The following OR10J1 variants were observed in gnomAD, a reference collection of about 807,000 sequenced individuals.
OR10J1 encodes olfactory receptor 10J1.
For missense variants in OR10J1, 474 were observed against 376.6 expected (o/e 1.26, Z -2.14); for synonymous variants, 202 against 143.8 (o/e 1.40, Z -2.89).
chr1:159,436,049 T>C (rs932634541), upstream of OR10J1, among the ~76,000 whole-genome samples: 1 of 152,184 alleles, frequency 6.6e-6, no homozygotes, highest in African/African-American at 2.4e-5. Flanking sequence ...TAAATATTAA[T>C]TGCTACTGAA....
At chr1:159,411,671 G>T in the OR10J1 span, among the ~76,000 whole-genome samples, 2 of 151,944 alleles carry the variant, frequency 1.3e-5, no homozygotes, top group African/African-American at 2.4e-5. Flanking sequence ...GTCTGTGTCT[G>T]TTAATTGGAG....
the OR10J1 span, among the ~76,000 whole-genome samples, chr1:159,400,299 A>G: frequency 1.3e-5 from 2 of 152,022 alleles, no homozygotes; most frequent in Admixed American, 6.6e-5. Context: ...AACGGATGAA[A>G]AAACAAGATC....
chr1:159,420,184 T>A, the OR10J1 span, among the ~76,000 whole-genome samples: 1 of 152,178 alleles, frequency 6.6e-6, no homozygotes, highest in Non-Finnish European at 1.5e-5. Flanking sequence ...TATATTTTTC[T>A]ATTCCCTTAC....
chr1:159,403,883 T>C, the OR10J1 span, among the ~76,000 whole-genome samples: 1 of 152,070 alleles, frequency 6.6e-6, no homozygotes, highest in African/African-American at 2.4e-5. Flanking sequence ...GATAGATGAA[T>C]GGATAAAGAA....
Position 159,440,000 on chromosome 1 carries a change from A to G in OR10J1, c.209A>G (p.Glu70Gly). The change falls in exon 1 of 1, where the codon GAG (glutamate) becomes GGG (glycine). Residue 70 changes from glutamate to glycine, a missense_variant. By Grantham distance (98) the Glu-to-Gly change is moderately conservative. Transcript: ENST00000423932. ...YFFLSMLSTS[E>G]TVYTLVILPR... Reference sequence around the variant, plus strand: ...TTCCTGAGCATGCTGTCCACTTCAGAGACTGTATATACATTGGTCATTCTC... The same window carrying G: ...TTCCTGAGCATGCTGTCCACTTCAGGGACTGTATATACATTGGTCATTCTC... 1.2e-6 allele frequency: 2 copies of G among 1,614,152 alleles called. No homozygotes were observed. The highest frequency in any genetic ancestry group is 1.7e-6 in the Non-Finnish European group (2 of 1,180,030).
At chr1:159,406,292 A>G in the OR10J1 span, 106 of 521,018 alleles carry the variant, frequency 2.0e-4, no homozygotes, top group African/African-American at 2.0e-3. Flanking sequence ...AAGAAGACAA[A>G]TCTGTGCTGT....
Position 159,440,825 on chromosome 1 carries a change from A to C in OR10J1, c.*104A>C. On this transcript the variant is annotated 3_prime_UTR_variant, in exon 1 of 1. Transcript: ENST00000423932. ...GCTCCTAGAGACCTGCCCCTTAAAT[A>C]AGAGGCAAAAGAGGAATAGCAGTTT... 8.5e-7 allele frequency: 1 copy of C among 1,172,584 alleles called. No homozygotes were observed. The highest frequency in any genetic ancestry group is 1.2e-6 in the Non-Finnish European group (1 of 839,920). 72.6% of individuals were successfully genotyped at this position (1,172,584 alleles called of 1,614,324 possible).
the OR10J1 span, chr1:159,406,219 G>A: frequency 1.9e-6 from 1 of 527,490 alleles, no homozygotes; most frequent in Non-Finnish European, 3.9e-6. Context: ...GTCCAGGCGA[G>A]TAATGGTCAC....
the OR10J1 span, among the ~76,000 whole-genome samples, chr1:159,415,120 C>A: frequency 1.3e-5 from 2 of 151,960 alleles, no homozygotes; most frequent in African/African-American, 4.8e-5. Context: ...CTTTTGCGAT[C>A]TTCATTATAC....
At chr1:159,420,055 CTGT>C in the OR10J1 span, among the ~76,000 whole-genome samples, 2 of 152,038 alleles carry the variant, frequency 1.3e-5, no homozygotes, top group African/African-American at 2.4e-5. Context: ...CTGAATTTCT[CTGT>C]TGTTATTATA....
the OR10J1 span, among the ~76,000 whole-genome samples, chr1:159,413,061 T>G: frequency 6.6e-6 from 1 of 152,166 alleles, no homozygotes; most frequent in Admixed American, 6.6e-5. Context: ...GGAAGACATT[T>G]ATGCAGCCAG....
the OR10J1 span, among the ~76,000 whole-genome samples, chr1:159,407,203 A>G: frequency 6.6e-6 from 1 of 152,158 alleles, no homozygotes; most frequent in Non-Finnish European, 1.5e-5. Flanking sequence ...CAAAGAATGT[A>G]TCAAAATGCA....
chr1:159,422,321 C>T, the OR10J1 span, among the ~76,000 whole-genome samples: 1 of 152,074 alleles, frequency 6.6e-6, no homozygotes, highest in Non-Finnish European at 1.5e-5. Context: ...GCACTGTGGC[C>T]CTACTACTGA....
At chr1:159,421,707 T>C in the OR10J1 span, among the ~76,000 whole-genome samples, 3 of 152,154 alleles carry the variant, frequency 2.0e-5, no homozygotes, top group Admixed American at 6.6e-5. Context: ...GTGTAGTAGT[T>C]AGTAGAGGCT....
In OR10J1 at chr1:159,439,806, C is replaced by T. The variant is rs1258002720; in HGVS notation, c.15C>T (p.Asn5=). 6.2e-7 allele frequency: 1 copy of T among 1,613,956 alleles called. No homozygotes were observed. The change falls in exon 1 of 1, where the codon AAC becomes AAT. Residue 5 remains asparagine, a synonymous_variant. Coordinates refer to ENST00000423932, the MANE Select transcript of OR10J1 (RefSeq NM_012351.3). ...GGAACCAATCCATGAAAAGAGAGAA[C>T]TTTACTCTCATCACTGACTTTGTTT... is the stretch of plus-strand genomic sequence containing the variant. MKRE[N]FTLITDFVFQ...
At chr1:159,402,062 C>T in the OR10J1 span, among the ~76,000 whole-genome samples, 2 of 151,838 alleles carry the variant, frequency 1.3e-5, no homozygotes, top group Admixed American at 6.6e-5. Context: ...ATGATAAAAC[C>T]CCTAAAAATC....
the OR10J1 span, among the ~76,000 whole-genome samples, chr1:159,430,677 G>A: frequency 2.6e-5 from 4 of 151,532 alleles, no homozygotes; most frequent in East Asian, 3.9e-4. Flanking sequence ...GTGCGCGCGC[G>A]CACATGTTTG....
the OR10J1 span, among the ~76,000 whole-genome samples, chr1:159,411,124 T>A: frequency 3.3e-5 from 5 of 150,880 alleles, no homozygotes; most frequent in South Asian, 8.4e-4. Flanking sequence ...TCCAACTATG[T>A]GGTCAATTTT....
At chr1:159,424,560 G>A in the OR10J1 span, among the ~76,000 whole-genome samples, 1 of 151,332 alleles carries the variant, frequency 6.6e-6, no homozygotes, top group Non-Finnish European at 1.5e-5. Flanking sequence ...TCCTCAATGA[G>A]ATGAAAGAAC....
Sources: allele counts gnomAD v4.1 joint callset (sites outside exome capture counted in the v4.1 genomes callset), GRCh38; gene constraint gnomAD v4.1.1; transcripts MANE v1.5; gene names NCBI Gene and HGNC (gene_info 2026-07-23, HGNC 2026-07-21).